PTPRM: variants seen among roughly 807,000 people sequenced by gnomAD.
PTPRM encodes the protein receptor-type tyrosine-protein phosphatase mu.
Under a neutral mutation model 186.7 loss-of-function variants are expected in PTPRM, and 47 were observed. The observed-to-expected ratio is 0.25, with a 90% CI of 0.20 to 0.32. PTPRM has a LOEUF of 0.32. PTPRM is among the 10% of genes least tolerant of loss of function. PTPRM has a pLI of 1.00. For synonymous variants in PTPRM, 668 were observed against 674.9 expected, an observed-to-expected ratio of 0.99 and a Z score of 0.16; for missense variants, 1,494 against 1,865.0, an observed-to-expected ratio of 0.80 and a Z score of 3.66.
chr18:7,828,404 G>A (rs142173698), intron 2 of PTPRM, among the ~76,000 whole-genome samples: 1,743 of 149,632 alleles, frequency 0.012, 26 homozygotes, highest in African/African-American at 0.04. Context: ...ATCCCTCCCC[G>A]CTTCCCCCCA....
intron 1 of PTPRM, among the ~76,000 whole-genome samples, chr18:7,612,962 A>G (rs2037712769): frequency 6.6e-6 from 1 of 152,058 alleles, no homozygotes; most frequent in African/African-American, 2.4e-5. Flanking sequence ...ATCTCTCTCC[A>G]TGAACAGTTT....
At chr18:8,322,947 G>T (rs1352597572) in intron 22 of PTPRM, among the ~76,000 whole-genome samples, 1 of 151,908 alleles carries the variant, frequency 6.6e-6, no homozygotes, top group Non-Finnish European at 1.5e-5. Context: ...AGCCTCCAAA[G>T]CATCTAGGAC....
Position 7,810,168 on chromosome 18 carries a change from G to A in PTPRM, c.196+35897G>A, listed in dbSNP as rs945729618. Among the ~76,000 whole-genome samples, 30 of 152,102 alleles carry A rather than the reference G, an allele frequency of 2.0e-4. 1 individual carries two copies. The highest frequency in any genetic ancestry group is 1.2e-3 in the South Asian group (6 of 4,830). ...GCACCTACCCGCTGCCTTTGTCACC[G>A]CCCCCACCACCTTTCTCGAGCTCTA... is the stretch of plus-strand genomic sequence containing the variant. On this transcript the variant is annotated intron_variant, in intron 2 of 32. Coordinates refer to ENST00000580170, the MANE Select transcript of PTPRM (RefSeq NM_001105244.2).
At chr18:7,845,094 C>G (rs2046527255) in intron 2 of PTPRM, among the ~76,000 whole-genome samples, 1 of 152,164 alleles carries the variant, frequency 6.6e-6, no homozygotes, top group Admixed American at 6.5e-5. Context: ...GAACAGTTCT[C>G]TGAGGCACTG....
At chr18:8,305,297 G>A (rs2095209650) in intron 20 of PTPRM, among the ~76,000 whole-genome samples, 1 of 152,142 alleles carries the variant, frequency 6.6e-6, no homozygotes, top group African/African-American at 2.4e-5. Context: ...CACTAGTGAG[G>A]GAAGCAACTA....
intron 18 of PTPRM, 133 bp downstream of exon 18, chr18:8,252,632 T>G: frequency 2.4e-6 from 2 of 833,158 alleles, no homozygotes; most frequent in Non-Finnish European, 4.1e-6. Flanking sequence ...GAACATTCCA[T>G]GTGTGATGTG....
intron 14 of PTPRM, among the ~76,000 whole-genome samples, chr18:8,175,423 C>T (rs2093466437): frequency 6.6e-6 from 1 of 152,148 alleles, no homozygotes; most frequent in Non-Finnish European, 1.5e-5. Context: ...ACAAAAAAGA[C>T]TCCACAATTC....
chr18:8,014,253 C>G (rs11081353), intron 7 of PTPRM, among the ~76,000 whole-genome samples: 12,623 of 152,062 alleles, frequency 0.083, 609 homozygotes, highest in South Asian at 0.12. Context: ...AAATAACATG[C>G]AAAAGTTAAA....
chr18:8,211,377 C>CTTTTTTTTTTTTTTT (rs970926126), intron 14 of PTPRM, among the ~76,000 whole-genome samples: 157 of 87,216 alleles, frequency 1.8e-3, no homozygotes, highest in East Asian at 2.6e-3. Flanking sequence ...GTCTCTTCTT[C>CTTTTTTTTTTTTTTT]TTTTTTTTTT....
intron 3 of PTPRM, among the ~76,000 whole-genome samples, chr18:7,898,293 T>A (rs1380419985): frequency 6.6e-6 from 1 of 152,236 alleles, no homozygotes; most frequent in South Asian, 2.1e-4. Flanking sequence ...TTAATCCCCT[T>A]TGTTCTAGGG....
At chr18:8,373,741 G>T (rs2095678174) in intron 24 of PTPRM, among the ~76,000 whole-genome samples, 1 of 152,148 alleles carries the variant, frequency 6.6e-6, no homozygotes, top group Non-Finnish European at 1.5e-5. Context: ...GTGACTAACT[G>T]GGTGTGGTGG....
intron 4 of PTPRM, among the ~76,000 whole-genome samples, chr18:7,914,569 A>C (rs897824918): frequency 1.3e-4 from 20 of 152,128 alleles, no homozygotes; most frequent in African/African-American, 4.8e-4. Flanking sequence ...TACATATAGA[A>C]TTTATCACAA....
intron 11 of PTPRM, among the ~76,000 whole-genome samples, chr18:8,112,775 G>T (rs1371909652): frequency 6.6e-6 from 1 of 152,184 alleles, no homozygotes; most frequent in Non-Finnish European, 1.5e-5. Flanking sequence ...CTACTCCTTA[G>T]TGGGGCTGTC....
At chr18:8,000,086 T>C (rs2083776175) in intron 7 of PTPRM, among the ~76,000 whole-genome samples, 1 of 152,200 alleles carries the variant, frequency 6.6e-6, no homozygotes, top group East Asian at 1.9e-4. Flanking sequence ...CTTCATTCTA[T>C]TGGACAAGGC....
In PTPRM at chr18:8,103,525, C is replaced by T. The variant is rs764062076; in HGVS notation, c.1857-9961C>T. On this transcript the variant is annotated intron_variant, in intron 11 of 32. Coordinates refer to ENST00000580170, the MANE Select transcript of PTPRM (RefSeq NM_001105244.2). ...TCAGACTTTTCTTCTGCAGCTTCCT[C>T]ACCTCCCTCAGCCTTCATAGAATTG... Among the ~76,000 whole-genome samples the T allele has an allele frequency of 6.5e-4, 99 of 152,212 alleles. 1 individual carries two copies. The highest frequency in any genetic ancestry group is 2.2e-4 in the Non-Finnish European group (15 of 68,036).
At chr18:8,007,190 G>C (rs1240326227) in intron 7 of PTPRM, among the ~76,000 whole-genome samples, 1 of 152,176 alleles carries the variant, frequency 6.6e-6, no homozygotes, top group East Asian at 1.9e-4. Context: ...TTGGGTAATG[G>C]ATCTGTTTCT....
At position 7,861,687 on chromosome 18, in the gene PTPRM, A is replaced by G. The variant is rs576615888; in HGVS notation, c.197-26419A>G. Reference sequence around the variant, plus strand: ...GCACAACTCGGCACACAGGTCTTCCACCTTTTACTCAAAATCTTGTGCACC... The same window carrying G: ...GCACAACTCGGCACACAGGTCTTCCGCCTTTTACTCAAAATCTTGTGCACC... On this transcript the variant is annotated intron_variant, in intron 2 of 32. Coordinates refer to ENST00000580170, the MANE Select transcript of PTPRM (RefSeq NM_001105244.2). 1.1e-4 allele frequency among the ~76,000 whole-genome samples: 16 copies of G among 152,150 alleles called. No homozygotes were observed. In the South Asian group the frequency reaches 2.1e-3, roughly 20 times the overall value.
At position 8,069,586 on chromosome 18, in the gene PTPRM, G is replaced by A. The variant is rs1030444788; in HGVS notation, c.1133-100G>A. 12 of 1,041,676 alleles carry A rather than the reference G, an allele frequency of 1.2e-5. No homozygotes were observed. In the African/African-American group the frequency reaches 1.8e-4, roughly 16 times the overall value. The allele number at this position is 1,041,676 out of a possible 1,614,324, so 64.5% of individuals were successfully genotyped here. On this transcript the variant is annotated intron_variant, in intron 7 of 32. Coordinates refer to ENST00000580170, the MANE Select transcript of PTPRM (RefSeq NM_001105244.2). ...ATTATCCAGGAAGAAGAGGAGACCA[G>A]GTGGTGGGGACAACTGGGAATATCT...
At chr18:8,186,949 T>C (rs951883081) in intron 14 of PTPRM, among the ~76,000 whole-genome samples, 12 of 151,956 alleles carry the variant, frequency 7.9e-5, no homozygotes, top group African/African-American at 2.9e-4. Context: ...AAGATTTTTT[T>C]TTTTTTTTTG....
Sources: allele counts gnomAD v4.1 joint callset (sites outside exome capture counted in the v4.1 genomes callset), GRCh38; gene constraint gnomAD v4.1.1; transcripts MANE v1.5; gene names NCBI Gene and HGNC (gene_info 2026-07-23, HGNC 2026-07-21).